Variants in SVIL observed in about 807,000 individuals in gnomAD.
The protein encoded by SVIL is supervillin.
In SVIL, 101 loss-of-function variants were observed where a neutral mutation model predicts 240.4. The ratio of observed to expected loss-of-function variants is 0.42; its 90% CI spans 0.36 to 0.50. SVIL has a LOEUF of 0.50. SVIL is among the 20% of genes least tolerant of loss of function. SVIL has a pLI of 0.01. For missense variants in SVIL, 2,512 were observed against 2,818.7 expected, an observed-to-expected ratio of 0.89 and a Z score of 2.46; for synonymous variants, 999 against 1,100.0, an observed-to-expected ratio of 0.91 and a Z score of 1.82.
rs192073921 is a variant in SVIL at position 29,614,131 on chromosome 10, T to A, written c.-201+20289A>T. ...CAGAACCTTTTAAAGCCATTTTTTT[T>A]AAAAAATTAAAGGATATTAAATCAT... On this transcript the variant is annotated intron_variant, in intron 1 of 37. Coordinates refer to ENST00000355867, the MANE Select transcript of SVIL (RefSeq NM_021738.3). 4.4e-3 allele frequency among the ~76,000 whole-genome samples: 673 copies of A among 152,272 alleles called. 2 individuals are homozygous for A. Among genetic ancestry groups the A allele is most frequent in the Admixed American group, 0.012 (189 of 15,280 alleles).
At chr10:29,691,225 T>C (rs896750620) in intron 1 of SVIL, among the ~76,000 whole-genome samples, 1 of 151,730 alleles carries the variant, frequency 6.6e-6, no homozygotes, top group African/African-American at 2.4e-5. Context: ...TTTTTTTTTT[T>C]TTTTGAGACG....
chr10:29,459,455 A>G (rs904188877), intron 36 of SVIL, among the ~76,000 whole-genome samples: 2 of 152,216 alleles, frequency 1.3e-5, no homozygotes, highest in Non-Finnish European at 2.9e-5. Flanking sequence ...TGAAGTCTAA[A>G]CACCAGAAGC....
intron 1 of SVIL, among the ~76,000 whole-genome samples, chr10:29,689,199 A>C (rs1407160948): frequency 1.3e-5 from 2 of 152,150 alleles, no homozygotes; most frequent in Non-Finnish European, 2.9e-5. Context: ...TGCCAAAAGG[A>C]AGTGATTCAT....
rs372656082 is a variant in SVIL at position 29,493,194 on chromosome 10, C to T, written c.4019+20G>A. The T allele has an allele frequency of 4.4e-5, 71 of 1,608,384 alleles. No individual in the cohort carries two copies. The highest frequency in any genetic ancestry group is 1.0e-4 in the Admixed American group (6 of 59,590). ...GAAGCCCTTCTCAGTGGAGGAAAGA[C>T]GGAGACCCAAATAACTCACTTGGGT... is the stretch of plus-strand genomic sequence containing the variant. On this transcript the variant is annotated intron_variant, in intron 21 of 37. Transcript: ENST00000355867.
chr10:29,605,742 T>C (rs571510772), intron 1 of SVIL, among the ~76,000 whole-genome samples: 8 of 148,114 alleles, frequency 5.4e-5, no homozygotes, highest in Middle Eastern at 3.6e-3. Context: ...ATTTACATAA[T>C]ATATATTTTA....
chr10:29,690,687 G>T (rs1313116091), intron 1 of SVIL, among the ~76,000 whole-genome samples: 2 of 151,768 alleles, frequency 1.3e-5, no homozygotes, highest in Non-Finnish European at 2.9e-5. Context: ...TTTAAAAAAG[G>T]TGAAAGCATA....
intron 2 of SVIL, among the ~76,000 whole-genome samples, chr10:29,568,817 GGA>G (rs200982755): frequency 2.0e-5 from 3 of 149,704 alleles, no homozygotes; most frequent in Non-Finnish European, 4.4e-5. Flanking sequence ...ATGGATGGAT[GGA>G]TGTGTGTGTG....
intron 2 of SVIL, among the ~76,000 whole-genome samples, chr10:29,684,848 TATG>T (rs1270522035): frequency 6.6e-6 from 1 of 152,226 alleles, no homozygotes; most frequent in Non-Finnish European, 1.5e-5. Flanking sequence ...CTATGGACCA[TATG>T]ATGCTACAGT....
At chr10:29,527,248 G>A (rs1251417226) in intron 12 of SVIL, among the ~76,000 whole-genome samples, 192 bp from the exon 13 acceptor site, 1 of 152,124 alleles carries the variant, frequency 6.6e-6, no homozygotes, top group East Asian at 1.9e-4. Context: ...ATAAGAGATA[G>A]TGGCTACCCA....
chr10:29,684,938 G>C (rs368451494), intron 2 of SVIL, among the ~76,000 whole-genome samples: 1 of 151,978 alleles, frequency 6.6e-6, no homozygotes, highest in Non-Finnish European at 1.5e-5. Context: ...TTTATTTTAG[G>C]TTCAGGGGTA....
At chr10:29,628,978 G>T (rs1236601804) in intron 1 of SVIL, among the ~76,000 whole-genome samples, 1 of 152,238 alleles carries the variant, frequency 6.6e-6, no homozygotes, top group East Asian at 1.9e-4. Context: ...ACGGAGAGGG[G>T]TTCCATCCCA....
At chr10:29,625,454 T>C (rs1589413679) in intron 1 of SVIL, among the ~76,000 whole-genome samples, 3 of 151,882 alleles carry the variant, frequency 2.0e-5, no homozygotes, top group South Asian at 4.1e-4. Context: ...CAAGTATACA[T>C]ATATATATAT....
intron 2 of SVIL, among the ~76,000 whole-genome samples, chr10:29,677,308 C>T (rs1274204794): frequency 6.6e-6 from 1 of 152,176 alleles, no homozygotes; most frequent in Non-Finnish European, 1.5e-5. Context: ...TTCCTCCTGC[C>T]CCTTTGTCTT....
intron 2 of SVIL, among the ~76,000 whole-genome samples, chr10:29,660,825 G>A (rs1266055658): frequency 6.6e-6 from 1 of 152,140 alleles, no homozygotes; most frequent in Non-Finnish European, 1.5e-5. Context: ...CCAGATAGAA[G>A]AAAATCTGCA....
At chr10:29,641,354 T>C (rs1320405200) in intron 3 of SVIL, among the ~76,000 whole-genome samples, 1 of 152,146 alleles carries the variant, frequency 6.6e-6, no homozygotes, top group Non-Finnish European at 1.5e-5. Flanking sequence ...GAGGATCACC[T>C]GAGGTCAGGA....
chr10:29,532,925 G>A lies in SVIL; in HGVS notation c.1442C>T (p.Ala481Val), dbSNP rs975894320. 6.2e-7 allele frequency: 1 copy of A among 1,614,082 alleles called. No homozygotes were observed. Among genetic ancestry groups the A allele is most frequent in the African/African-American group, 1.3e-5 (1 of 75,022 alleles). ...PSRNEDFGKP[A>V]VSTVTLEHQK... ...ATGCTCTAAGGTGACTGTGCTCACA[G>A]CAGGCTTACCAAAGTCCTCATTTCT... The change falls in exon 8 of 38, where the codon GCT becomes GTT. Residue 481 changes from alanine to valine, a missense_variant. Ala to Val is a moderately conservative substitution (Grantham distance 64, BLOSUM62 0). Around this residue, in one of 3 missense-constraint regions of SVIL, gnomAD observed 1,443 missense variants for 1,486.6 expected, o/e 0.97. Transcript: ENST00000355867.
At chr10:29,529,367 C>CGGCCAGGAGGG (rs11270975) in intron 12 of SVIL, among the ~76,000 whole-genome samples, 48,329 of 150,676 alleles carry the variant, frequency 0.32, 7,873 homozygotes, top group African/African-American at 0.35. Context: ...TGAGCATCAC[C>CGGCCAGGAGGG]GGCCAGGAGC....
intron 3 of SVIL, among the ~76,000 whole-genome samples, chr10:29,640,655 G>A (rs1465554689): frequency 6.6e-6 from 1 of 152,070 alleles, no homozygotes; most frequent in Non-Finnish European, 1.5e-5. Flanking sequence ...CCTCCCCATC[G>A]GCAACTTGGC....
chr10:29,717,232 CAAAAAAAAAAAAAAA>C (rs71023503), intron 1 of SVIL, among the ~76,000 whole-genome samples: 23 of 38,328 alleles, frequency 6.0e-4, no homozygotes, highest in South Asian at 1.7e-3. Flanking sequence ...GACTCTCTCT[CAAAAAAAAAAAAAAA>C]AAAAAAAAAA....
Sources: allele counts gnomAD v4.1 joint callset (sites outside exome capture counted in the v4.1 genomes callset), GRCh38; gene constraint gnomAD v4.1.1; regional missense constraint gnomAD v4.1.1; transcripts MANE v1.5; gene names NCBI Gene and HGNC (gene_info 2026-07-23, HGNC 2026-07-21).